The following MSH4 variants were observed in gnomAD, a reference collection of about 807,000 sequenced individuals.
MSH4 encodes mutS protein homolog 4.
In MSH4, 106 loss-of-function variants were observed where a neutral mutation model predicts 113.7. The ratio of observed to expected loss-of-function variants is 0.93; its 90% CI spans 0.80 to 1.10. The LOEUF (loss-of-function observed/expected upper bound fraction) is 1.10. Ranked by LOEUF, MSH4 falls within the 50% of genes least tolerant of loss-of-function variation. MSH4 has a pLI of 0.00. For missense variants in MSH4, 1,061 were observed against 1,093.7 expected, an observed-to-expected ratio of 0.97 and a Z score of 0.42; for synonymous variants, 368 against 380.2, an observed-to-expected ratio of 0.97 and a Z score of 0.37.
intron 7 of MSH4, among the ~76,000 whole-genome samples, chr1:75,830,400 C>A (rs1650656472): frequency 6.6e-6 from 1 of 152,144 alleles, no homozygotes; most frequent in Non-Finnish European, 1.5e-5. Flanking sequence ...CCCAGCCTAG[C>A]AAGGCAGGCC....
chr1:75,880,194 T>A, intron 13 of MSH4, 41 bp downstream of exon 13: 2 of 1,113,920 alleles, frequency 1.8e-6, no homozygotes, highest in South Asian at 3.0e-5. Flanking sequence ...ATTAAATTGG[T>A]TTAATTTGAG....
At position 75,803,769 on chromosome 1, in the gene MSH4, A is replaced by G. The variant is rs1649994712; in HGVS notation, c.283A>G (p.Thr95Ala). The stretch of plus-strand genomic sequence containing the variant: ...AAACAAAAGAGCTTATGCAGAAAAC[A>G]CAGTTGCATCAAATTTTACTTTTGG... ...FGNKRAYAEN[T>A]VASNFTFGAS... The change falls in exon 2 of 20, where the codon ACA becomes GCA. Residue 95 changes from threonine to alanine, a missense_variant. Physicochemically the swap from Thr to Ala is moderately conservative, Grantham distance 58. Coordinates refer to ENST00000263187, the MANE Select transcript of MSH4 (RefSeq NM_002440.4). The G allele has an allele frequency of 1.9e-6, 3 of 1,597,292 alleles. No individual in the cohort carries two copies. The highest frequency in any genetic ancestry group is 2.6e-6 in the Non-Finnish European group (3 of 1,174,736).
intron 9 of MSH4, among the ~76,000 whole-genome samples, chr1:75,872,356 A>C (rs558729949): frequency 7.2e-5 from 11 of 152,352 alleles, no homozygotes; most frequent in African/African-American, 2.4e-4. Context: ...AAAACAAAGA[A>C]AATGTCAGAA....
At chr1:75,873,760 A>G (rs937278675) in intron 9 of MSH4, among the ~76,000 whole-genome samples, 5 of 152,096 alleles carry the variant, frequency 3.3e-5, no homozygotes, top group African/African-American at 1.2e-4. Flanking sequence ...ATATATATAT[A>G]TATAACTGCA....
At chr1:75,811,895 T>C (rs1650197533) in intron 4 of MSH4, among the ~76,000 whole-genome samples, 1 of 152,232 alleles carries the variant, frequency 6.6e-6, no homozygotes, top group Admixed American at 6.5e-5. Flanking sequence ...CATGGTGCTC[T>C]TGGATTTCCT....
At chr1:75,907,684 C>CTCTCTATATATATATA (rs1307238647) in intron 19 of MSH4, among the ~76,000 whole-genome samples, 14 of 46,556 alleles carry the variant, frequency 3.0e-4, no homozygotes, top group African/African-American at 6.9e-4. Context: ...CTCTCTCTCT[C>CTCTCTATATATATATA]TATACATATA....
At chr1:75,890,313 A>C (rs187086923) in intron 16 of MSH4, among the ~76,000 whole-genome samples, 15 of 152,142 alleles carry the variant, frequency 9.9e-5, no homozygotes, top group Admixed American at 7.2e-4. Context: ...AATAAATTTG[A>C]GAGATGGTTT....
intron 2 of MSH4, 146 bp from the exon 3 acceptor site, chr1:75,806,835 C>T (rs1346445251): frequency 7.4e-6 from 5 of 677,758 alleles, no homozygotes; most frequent in Non-Finnish European, 1.1e-5. Context: ...CCAATAGATC[C>T]TTTAGGGAGA....
intron 6 of MSH4, among the ~76,000 whole-genome samples, chr1:75,819,070 T>A (rs1411355839): frequency 6.6e-6 from 1 of 152,048 alleles, no homozygotes; most frequent in African/African-American, 2.4e-5. Context: ...CCGGCCTGTT[T>A]TTGTTTTTTT....
At chr1:75,868,920 G>C (rs1298842291) in intron 9 of MSH4, among the ~76,000 whole-genome samples, 8 of 152,192 alleles carry the variant, frequency 5.3e-5, no homozygotes, top group Admixed American at 5.2e-4. Context: ...GCTGAGAACA[G>C]ACTGATACAG....
At chr1:75,886,982 C>T (rs1247418445) in intron 15 of MSH4, among the ~76,000 whole-genome samples, 1 of 151,458 alleles carries the variant, frequency 6.6e-6, no homozygotes, top group Non-Finnish European at 1.5e-5. Flanking sequence ...CATAGAAGGG[C>T]TTCAATAAAT....
At chr1:75,868,418 C>T (rs1387713233) in intron 9 of MSH4, among the ~76,000 whole-genome samples, 2 of 152,094 alleles carry the variant, frequency 1.3e-5, no homozygotes, top group Non-Finnish European at 2.9e-5. Flanking sequence ...GTAATTATTA[C>T]TCTGATGGTT....
At chr1:75,808,841 G>A (rs1307756036) in intron 3 of MSH4, among the ~76,000 whole-genome samples, 11 of 152,014 alleles carry the variant, frequency 7.2e-5, no homozygotes, top group African/African-American at 2.4e-4. Flanking sequence ...ATTCATTTGG[G>A]CCACTCGCCT....
At chr1:75,908,832 T>C (rs1294758157) in intron 19 of MSH4, among the ~76,000 whole-genome samples, 1 of 152,178 alleles carries the variant, frequency 6.6e-6, no homozygotes, top group Non-Finnish European at 1.5e-5. Flanking sequence ...CAGAATTTCC[T>C]CAGCTCTGGC....
chr1:75,863,462 G>C (rs1416433137), intron 8 of MSH4, among the ~76,000 whole-genome samples: 1 of 151,828 alleles, frequency 6.6e-6, no homozygotes, highest in East Asian at 1.9e-4. Context: ...ATATAAAATG[G>C]CTTTTTTTGC....
At position 75,840,353 on chromosome 1, in the gene MSH4, G is replaced by A. The variant is rs575637832; in HGVS notation, c.1163-7856G>A. On this transcript the variant is annotated intron_variant, in intron 7 of 19. Coordinates refer to ENST00000263187, the MANE Select transcript of MSH4 (RefSeq NM_002440.4). Reference sequence around the variant, plus strand: ...ACTGTGCAGCCATAAAAAATGATGAGTTCATGTCCTTTGTAGGGACATGGA... The same window carrying A: ...ACTGTGCAGCCATAAAAAATGATGAATTCATGTCCTTTGTAGGGACATGGA... 6.2e-5 allele frequency among the ~76,000 whole-genome samples: 9 copies of A among 146,334 alleles called. 1 individual carries two copies. Among genetic ancestry groups the A allele is most frequent in the South Asian group, 2.3e-4 (1 of 4,258 alleles).
chr1:75,821,796 C>CG (rs1305089899), intron 6 of MSH4, among the ~76,000 whole-genome samples: 1 of 151,908 alleles, frequency 6.6e-6, no homozygotes, highest in Non-Finnish European at 1.5e-5. Context: ...TTTGTAGACT[C>CG]GGGGTCTCAC....
chr1:75,907,684 C>CTCTCTACATA (rs1307238647), intron 19 of MSH4, among the ~76,000 whole-genome samples: 9 of 46,576 alleles, frequency 1.9e-4, no homozygotes, highest in African/African-American at 8.9e-4. Flanking sequence ...CTCTCTCTCT[C>CTCTCTACATA]TATACATATA....
chr1:75,860,797 G>C (rs1651439300), intron 8 of MSH4, among the ~76,000 whole-genome samples: 1 of 152,110 alleles, frequency 6.6e-6, no homozygotes, highest in Non-Finnish European at 1.5e-5. Flanking sequence ...TCTTGAATTT[G>C]AATGTTGGCC....
Sources: gnomAD v4.1 joint callset for allele counts (sites outside exome capture counted in the v4.1 genomes callset) on GRCh38, gnomAD v4.1.1 for gene constraint, MANE v1.5 for transcripts, NCBI Gene and HGNC (gene_info 2026-07-23, HGNC 2026-07-21) for gene names.